NELL1: variants seen among roughly 807,000 people sequenced by gnomAD.
NELL1 encodes protein kinase C-binding protein NELL1.
A neutral mutation model predicts 107.4 loss-of-function variants in NELL1; 76 were observed. The observed-to-expected ratio is 0.71, with a 90% confidence interval of 0.59 to 0.86. The LOEUF is 0.86. Ranked by LOEUF, NELL1 falls within the 40% of genes least tolerant of loss-of-function variation. NELL1 has a pLI of 0.00. For synonymous variants in NELL1, 353 were observed against 341.2 expected (o/e 1.03, Z -0.38); for missense variants, 1,024 against 1,005.5 (o/e 1.02, Z -0.25).
chr11:20,923,585 T>C (rs1398781238), intron 7 of NELL1, among the ~76,000 whole-genome samples: 2 of 152,144 alleles, frequency 1.3e-5, no homozygotes, highest in African/African-American at 2.4e-5. Flanking sequence ...GCTGGGAACA[T>C]TGTGATAGGG....
intron 14 of NELL1, among the ~76,000 whole-genome samples, chr11:21,233,041 G>A (rs1234027591): frequency 1.3e-5 from 2 of 152,204 alleles, no homozygotes; most frequent in Non-Finnish European, 2.9e-5. Context: ...CTGGTTAGAA[G>A]TAAATAGTTA....
At chr11:20,736,882 G>C (rs1855774265) in intron 2 of NELL1, among the ~76,000 whole-genome samples, 2 of 151,834 alleles carry the variant, frequency 1.3e-5, no homozygotes, top group East Asian at 1.9e-4. Context: ...AGCCTCCCGA[G>C]TAGCTGGGAT....
At chr11:20,873,348 T>C (rs1449543035) in intron 4 of NELL1, among the ~76,000 whole-genome samples, 1 of 152,314 alleles carries the variant, frequency 6.6e-6, no homozygotes, top group East Asian at 1.9e-4. Flanking sequence ...ATTGTGAAGC[T>C]AACACTAGAT....
In NELL1 at chr11:21,190,031, T is replaced by C. The variant is rs535209175; in HGVS notation, c.1427-39301T>C. Among the ~76,000 whole-genome samples the C allele has an allele frequency of 3.8e-4, 57 of 151,796 alleles. 1 individual carries two copies. In the South Asian group the frequency reaches 0.011, roughly 30 times the overall value. ...GTCAATTCAATTCACAAGACACAAG[T>C]TTCACCCAGAGAGTTTATTTAGATT... On this transcript the variant is annotated intron_variant, in intron 13 of 19. Transcript: ENST00000357134.
chr11:21,257,406 A>T (rs1476864902), intron 14 of NELL1, among the ~76,000 whole-genome samples: 1 of 151,986 alleles, frequency 6.6e-6, no homozygotes. Context: ...TGAGCCTCAC[A>T]TTTTCATCTG....
intron 12 of NELL1, among the ~76,000 whole-genome samples, chr11:20,982,244 A>G (rs4923221): frequency 0.16 from 24,572 of 152,126 alleles, 2,363 homozygotes; most frequent in East Asian, 0.26. Flanking sequence ...CGTTCACTCA[A>G]ACCATGTGAC....
intron 15 of NELL1, among the ~76,000 whole-genome samples, chr11:21,389,289 T>C (rs72960097): frequency 0.086 from 13,041 of 151,858 alleles, 704 homozygotes; most frequent in East Asian, 0.13. Flanking sequence ...TATGGCAAAA[T>C]AGGCAGTTTC....
At chr11:20,690,801 T>G (rs1854443589) in intron 2 of NELL1, among the ~76,000 whole-genome samples, 1 of 150,724 alleles carries the variant, frequency 6.6e-6, no homozygotes, top group Non-Finnish European at 1.5e-5. Context: ...TTAAAGTAGT[T>G]TTTTCCAATT....
chr11:20,964,020 A>G (rs1055850491), intron 12 of NELL1, among the ~76,000 whole-genome samples: 1 of 152,178 alleles, frequency 6.6e-6, no homozygotes, highest in Non-Finnish European at 1.5e-5. Context: ...TGGCCAATCA[A>G]TAGAAGATAA....
intron 15 of NELL1, among the ~76,000 whole-genome samples, chr11:21,377,099 G>A (rs1851498818): frequency 6.6e-6 from 1 of 152,006 alleles, no homozygotes; most frequent in African/African-American, 2.4e-5. Context: ...GGAGTGGTGA[G>A]AGTGAATATC....
At chr11:20,956,754 G>A (rs757153557) in intron 11 of NELL1, among the ~76,000 whole-genome samples, 7 of 152,000 alleles carry the variant, frequency 4.6e-5, no homozygotes, top group African/African-American at 1.7e-4. Context: ...TTATAAATTC[G>A]ATCTCCTGAC....
chr11:21,322,139 A>C (rs1276743679), intron 14 of NELL1, among the ~76,000 whole-genome samples: 1 of 152,198 alleles, frequency 6.6e-6, no homozygotes, highest in Admixed American at 6.5e-5. Flanking sequence ...TTGCAATGAC[A>C]GGAAATGCGT....
Position 20,847,674 on chromosome 11 carries a change from C to G in NELL1, c.427C>G (p.Arg143Gly), listed in dbSNP as rs779127451. 2 of 1,613,710 alleles carry G rather than the reference C, an allele frequency of 1.2e-6. No homozygotes were observed. Among genetic ancestry groups the G allele is most frequent in the Non-Finnish European group, 1.7e-6 (2 of 1,179,826 alleles). Reference protein sequence around the residue: ...GKPRTEALPYRMADGQWHKVA... With the variant: ...GKPRTEALPYGMADGQWHKVA... ...GCCAAGGACAGAGGCACTTCCTTAC[C>G]GCATGGCAGATGGACAATGGCACAA... The change falls in exon 4 of 20, where the codon CGC becomes GGC. Residue 143 changes from arginine (R) to glycine (G), a missense_variant. Coordinates refer to ENST00000357134, the MANE Select transcript of NELL1 (RefSeq NM_006157.5).
chr11:21,163,322 A>G (rs1268392227), intron 13 of NELL1, among the ~76,000 whole-genome samples: 1 of 152,214 alleles, frequency 6.6e-6, no homozygotes, highest in African/African-American at 2.4e-5. Context: ...AGTCTTGTTG[A>G]GAATGGGTGG....
In NELL1 at chr11:21,466,582, A is replaced by T. The variant is rs1223306345; in HGVS notation, c.1646-67792A>T. On this transcript the variant is annotated intron_variant, in intron 15 of 19. Transcript: ENST00000357134. ...AGCAATAGTTTTAAAACTTTTTTTA[A>T]AAAATAGCAAAAGCTTTTATTTTTC... 3.3e-5 allele frequency among the ~76,000 whole-genome samples: 5 copies of T among 152,160 alleles called. 1 individual carries two copies. Among genetic ancestry groups the T allele is most frequent in the Non-Finnish European group, 1.5e-5 (1 of 68,022 alleles).
In NELL1 at chr11:20,669,821, G is replaced by A; in HGVS notation, c.55+43G>A. 1 of 1,557,472 alleles carries A rather than the reference G, an allele frequency of 6.4e-7. No homozygotes were observed. The highest frequency in any genetic ancestry group is 8.9e-7 in the Non-Finnish European group (1 of 1,129,086). ...GGTTAGAGGGATCCGGGAAATGGGG[G>A]TGCCCACAGACCACGGCGGCGTGGG... On this transcript the variant is annotated intron_variant, in intron 1 of 19. Transcript: ENST00000357134. This position sits in a 1 kb window ranked among gnomAD's most constrained non-coding sequence, Gnocchi z 4.4.
chr11:21,176,033 G>C (rs1163683042), intron 13 of NELL1, among the ~76,000 whole-genome samples: 1 of 151,720 alleles, frequency 6.6e-6, no homozygotes, highest in Non-Finnish European at 1.5e-5. Context: ...TCCCCTATTA[G>C]AATACCCTAC....
intron 13 of NELL1, among the ~76,000 whole-genome samples, chr11:21,183,326 T>G (rs1373888471): frequency 6.6e-6 from 1 of 151,952 alleles, no homozygotes; most frequent in East Asian, 1.9e-4. Flanking sequence ...AATAAATGAT[T>G]GTTGCTGAAG....
Position 21,107,598 on chromosome 11 carries a change from G to C in NELL1, c.1301-5991G>C, listed in dbSNP as rs539016359. 2.6e-5 allele frequency among the ~76,000 whole-genome samples: 4 copies of C among 152,210 alleles called. No individual in the cohort carries two copies. In the East Asian group the frequency reaches 5.8e-4, roughly 22 times the overall value. On this transcript the variant is annotated intron_variant, in intron 12 of 19. Coordinates refer to ENST00000357134, the MANE Select transcript of NELL1 (RefSeq NM_006157.5). ...GACACAGCTATCAAGAAATAGTGTGGGGGCTCGGGTCATCTAGATAGTATT... is the reference window on the plus strand; with the variant it reads ...GACACAGCTATCAAGAAATAGTGTGCGGGCTCGGGTCATCTAGATAGTATT...
Sources: allele counts gnomAD v4.1 joint callset (sites outside exome capture counted in the v4.1 genomes callset), GRCh38; gene constraint gnomAD v4.1.1; non-coding constraint Gnocchi (gnomAD v3.1); transcripts MANE v1.5; gene names NCBI Gene and HGNC (gene_info 2026-07-23, HGNC 2026-07-21).